ADRA1B: variants seen among roughly 807,000 people sequenced by gnomAD.
ADRA1B encodes alpha-1B adrenergic receptor.
A neutral mutation model predicts 17.9 loss-of-function variants in ADRA1B; 17 were observed. The ratio of observed to expected loss-of-function variants is 0.95; its 90% CI spans 0.65 to 1.42. The LOEUF is 1.42. Ranked by LOEUF, ADRA1B falls within the 40% of genes most tolerant of loss-of-function variation. ADRA1B has a pLI of 0.00. For synonymous variants in ADRA1B, 366 were observed against 327.6 expected, an observed-to-expected ratio of 1.12 and a Z score of -1.27; for missense variants, 681 against 722.1, an observed-to-expected ratio of 0.94 and a Z score of 0.65.
At chr5:159,870,877 T>G (rs945035982) in intron 1 of ADRA1B, 2 of 152,228 alleles carry the variant, frequency 1.3e-5, no homozygotes, top group African/African-American at 4.8e-5. Flanking sequence ...ATACAGTCAC[T>G]GTGTCCTGTA....
chr5:159,918,387 C>T (rs1016321989), intron 1 of ADRA1B, among the ~76,000 whole-genome samples: 1 of 152,348 alleles, frequency 6.6e-6, no homozygotes. Context: ...CTCCCCTCTT[C>T]ACTGACAGCT....
chr5:159,905,208 G>A (rs907804311), intron 1 of ADRA1B, among the ~76,000 whole-genome samples: 2 of 152,230 alleles, frequency 1.3e-5, no homozygotes, highest in Non-Finnish European at 1.5e-5. Flanking sequence ...GAAAGGAAGA[G>A]AGGGTTGCAG....
chr5:159,945,849 G>A lies in ADRA1B; in HGVS notation c.950-26030G>A, dbSNP rs1049575865. 3.8e-4 allele frequency among the ~76,000 whole-genome samples: 57 copies of A among 151,840 alleles called. No individual in the cohort carries two copies. The East Asian group carries it at 0.01, about 28-fold the overall frequency. ...TGCAAGCTCCGCCTCCCGGGTTGAC[G>A]CCATTCTCCTGCCTCAGCCTCCCAA... is the stretch of plus-strand genomic sequence containing the variant. On this transcript the variant is annotated intron_variant, in intron 1 of 1. Coordinates refer to ENST00000306675, the MANE Select transcript of ADRA1B (RefSeq NM_000679.4).
downstream of ADRA1B, among the ~76,000 whole-genome samples, chr5:159,976,296 G>C (rs1242891149): frequency 6.6e-6 from 1 of 152,120 alleles, no homozygotes; most frequent in Non-Finnish European, 1.5e-5. Context: ...TTTTTGGTCA[G>C]ATTCCAGGTT....
chr5:159,981,327 G>A, the ADRA1B span, among the ~76,000 whole-genome samples: 1 of 151,948 alleles, frequency 6.6e-6, no homozygotes, highest in Non-Finnish European at 1.5e-5. Context: ...ACCATCAGCT[G>A]TGACAATCAA....
intron 1 of ADRA1B, among the ~76,000 whole-genome samples, chr5:159,894,379 A>C (rs534302766): frequency 6.6e-5 from 10 of 152,236 alleles, no homozygotes; most frequent in East Asian, 3.8e-4. Context: ...GAGGTTATGC[A>C]CTTCAAATAC....
At chr5:159,891,037 T>C (rs1753978003) in intron 1 of ADRA1B, among the ~76,000 whole-genome samples, 1 of 152,188 alleles carries the variant, frequency 6.6e-6, no homozygotes, top group Admixed American at 6.5e-5. Context: ...ATCCCCTCAG[T>C]GAGTCCAGAA....
At chr5:159,937,447 G>T (rs200346439) in intron 1 of ADRA1B, among the ~76,000 whole-genome samples, 5 of 145,912 alleles carry the variant, frequency 3.4e-5, no homozygotes, top group Admixed American at 2.1e-4. Context: ...TTGTTTTTTT[G>T]TTTTTTTTTT....
At chr5:159,899,671 C>T (rs75305785) in intron 1 of ADRA1B, among the ~76,000 whole-genome samples, 4,463 of 152,266 alleles carry the variant, frequency 0.029, 79 homozygotes, top group Middle Eastern at 0.071. Flanking sequence ...CAACGGCACC[C>T]GGCAGCCCTA....
rs570696404 is a variant in ADRA1B at position 159,932,597 on chromosome 5, G to A, written c.949+14743G>A. 2.6e-5 allele frequency among the ~76,000 whole-genome samples: 4 copies of A among 152,224 alleles called. No individual in the cohort carries two copies. In the East Asian group the frequency reaches 7.7e-4, roughly 29 times the overall value. On this transcript the variant is annotated intron_variant, in intron 1 of 1. Transcript: ENST00000306675. The stretch of plus-strand genomic sequence containing the variant: ...GTATCACTTTACAAGGTACAAATGT[G>A]GAGTGAAAAGTCTGTCTCTCTCACT...
downstream of ADRA1B, among the ~76,000 whole-genome samples, chr5:159,974,080 T>C (rs1222437910): frequency 6.6e-6 from 1 of 151,956 alleles, no homozygotes; most frequent in Non-Finnish European, 1.5e-5. Context: ...AGAAAATACT[T>C]AAAGGGGAAA....
chr5:159,922,729 C>G (rs1383681734), intron 1 of ADRA1B, among the ~76,000 whole-genome samples: 1 of 152,226 alleles, frequency 6.6e-6, no homozygotes. Context: ...TGTGGGTTCA[C>G]ATCTTTAATC....
At chr5:159,980,613 C>T in the ADRA1B span, among the ~76,000 whole-genome samples, 1 of 152,170 alleles carries the variant, frequency 6.6e-6, no homozygotes, top group African/African-American at 2.4e-5. Context: ...TAACCTCTCT[C>T]AGCCTCCGTT....
chr5:159,948,119 T>C, intron 1 of ADRA1B: 3 of 985,440 alleles, frequency 3.0e-6, no homozygotes, highest in Non-Finnish European at 3.6e-6. Context: ...ACCTTCATCC[T>C]CAATCCATAC....
intron 1 of ADRA1B, among the ~76,000 whole-genome samples, chr5:159,904,973 T>G (rs1754143425): frequency 6.6e-6 from 1 of 152,256 alleles, no homozygotes; most frequent in Non-Finnish European, 1.5e-5. Context: ...GTTAAGAAAG[T>G]GATGATCTTA....
chr5:159,870,735 A>G (rs1581014662), intron 1 of ADRA1B: 1 of 152,228 alleles, frequency 6.6e-6, no homozygotes, highest in Admixed American at 6.5e-5. Context: ...ATCAAATCTT[A>G]TTCAGCATTT....
At chr5:159,908,642 A>AT (rs1477773564) in intron 1 of ADRA1B, among the ~76,000 whole-genome samples, 2 of 152,148 alleles carry the variant, frequency 1.3e-5, no homozygotes, top group East Asian at 3.9e-4. Context: ...TTTCTTCTTT[A>AT]TAGACTATCC....
chr5:159,898,192 C>A (rs890019731), intron 1 of ADRA1B, among the ~76,000 whole-genome samples: 1 of 152,192 alleles, frequency 6.6e-6, no homozygotes, highest in Non-Finnish European at 1.5e-5. Context: ...TGTTTGGTTG[C>A]TTCTAGAATG....
chr5:159,960,997 C>T (rs934517115), intron 1 of ADRA1B, among the ~76,000 whole-genome samples: 2 of 152,156 alleles, frequency 1.3e-5, no homozygotes, highest in African/African-American at 4.8e-5. Flanking sequence ...AGAATATAGA[C>T]CTAAGCAATT....
Sources: allele counts gnomAD v4.1 joint callset (sites outside exome capture counted in the v4.1 genomes callset), GRCh38; gene constraint gnomAD v4.1.1; transcripts MANE v1.5; gene names NCBI Gene and HGNC (gene_info 2026-07-23, HGNC 2026-07-21).